The following AGBL1 variants were observed in gnomAD, a reference collection of about 807,000 sequenced individuals.
AGBL1 encodes cytosolic carboxypeptidase 4.
A neutral mutation model predicts 118.9 loss-of-function variants in AGBL1; 130 were observed. That is an observed-to-expected ratio of 1.09 (90% CI 0.95 to 1.26). The LOEUF (loss-of-function observed/expected upper bound fraction) is 1.26. AGBL1 is among the 50% of genes most tolerant of loss of function. The pLI, the probability that AGBL1 is intolerant of heterozygous loss-of-function variation, is 0.00. For synonymous variants in AGBL1, 555 were observed against 478.9 expected, an observed-to-expected ratio of 1.16 and a Z score of -2.08; for missense variants, 1,584 against 1,298.1, an observed-to-expected ratio of 1.22 and a Z score of -3.38.
In AGBL1 at chr15:86,556,236, T is replaced by A. The variant is rs752837879; in HGVS notation, c.2994+1699T>A. On this transcript the variant is annotated intron_variant, in intron 21 of 22. Coordinates refer to ENST00000614907, the MANE Select transcript of AGBL1 (RefSeq NM_001386094.1). Reference sequence around the variant, plus strand: ...TCTACTGTGCAGTGTACACAGAGGCTGTTGGAGAGGACAAAGAATGAAAGG... The same window carrying A: ...TCTACTGTGCAGTGTACACAGAGGCAGTTGGAGAGGACAAAGAATGAAAGG... 3.7e-6 allele frequency: 6 copies of A among 1,613,168 alleles called. No homozygotes were observed. The South Asian group carries it at 5.5e-5, about 15-fold the overall frequency.
At chr15:86,355,385 C>T (rs1169329376) in intron 17 of AGBL1, among the ~76,000 whole-genome samples, 4 of 152,162 alleles carry the variant, frequency 2.6e-5, no homozygotes, top group Non-Finnish European at 5.9e-5. Context: ...GCTTCTGGCA[C>T]ACACCACCAA....
chr15:86,714,384 A>C (rs1170714654), intron 22 of AGBL1, among the ~76,000 whole-genome samples: 1 of 152,204 alleles, frequency 6.6e-6, no homozygotes, highest in African/African-American at 2.4e-5. Context: ...AGACTCAAAC[A>C]GATCATAAGA....
At chr15:86,088,755 C>T (rs1239687405) in intron 1 of AGBL1, among the ~76,000 whole-genome samples, 1 of 152,122 alleles carries the variant, frequency 6.6e-6, no homozygotes, top group Non-Finnish European at 1.5e-5. Context: ...TCTTTAAAGA[C>T]ACTCATGGTT....
chr15:86,721,329 G>A (rs2142721420), intron 22 of AGBL1, among the ~76,000 whole-genome samples: 1 of 152,318 alleles, frequency 6.6e-6, no homozygotes, highest in South Asian at 2.1e-4. Context: ...TCCCTGGGAT[G>A]CAAGACTGGT....
At chr15:86,355,325 G>C (rs12324471) in intron 17 of AGBL1, among the ~76,000 whole-genome samples, 3,671 of 152,262 alleles carry the variant, frequency 0.024, 169 homozygotes, top group African/African-American at 0.084. Flanking sequence ...TAACATATTA[G>C]AGTAAATAAA....
intron 21 of AGBL1, among the ~76,000 whole-genome samples, chr15:86,576,480 G>A (rs1245642381): frequency 1.3e-5 from 2 of 152,168 alleles, no homozygotes; most frequent in African/African-American, 4.8e-5. Flanking sequence ...ATTTGAACAT[G>A]GTTTGAACAG....
chr15:86,644,009 C>G (rs1221875524), intron 21 of AGBL1, among the ~76,000 whole-genome samples: 1 of 152,044 alleles, frequency 6.6e-6, no homozygotes, highest in Non-Finnish European at 1.5e-5. Context: ...TTTTGTGTCT[C>G]AGTAAACAAA....
At chr15:86,964,687 T>C (rs1010267768) in intron 23 of AGBL1, among the ~76,000 whole-genome samples, 44 of 151,932 alleles carry the variant, frequency 2.9e-4, no homozygotes, top group African/African-American at 9.9e-4. Context: ...GTGCAGAATG[T>C]GCAGGTTTGT....
intron 18 of AGBL1, among the ~76,000 whole-genome samples, chr15:86,471,008 C>T (rs371124648): frequency 2.6e-5 from 4 of 151,988 alleles, no homozygotes; most frequent in Non-Finnish European, 4.4e-5. Context: ...ATTTTTATGC[C>T]TTTTATTTCC....
intron 21 of AGBL1, among the ~76,000 whole-genome samples, chr15:86,617,875 T>C (rs757927551): frequency 6.6e-6 from 1 of 152,134 alleles, no homozygotes; most frequent in Non-Finnish European, 1.5e-5. Context: ...AAAGTGTTGA[T>C]TTGCCATTTC....
intron 5 of AGBL1, among the ~76,000 whole-genome samples, chr15:86,196,746 A>G (rs2077809476): frequency 2.0e-5 from 3 of 152,270 alleles, no homozygotes. Flanking sequence ...CTTTAGGAGT[A>G]AAGTTAAGTG....
intron 23 of AGBL1, among the ~76,000 whole-genome samples, chr15:86,950,959 G>C (rs1202289795): frequency 6.6e-6 from 1 of 152,126 alleles, no homozygotes; most frequent in Non-Finnish European, 1.5e-5. Flanking sequence ...GATAAACGAA[G>C]TGTGTCTATG....
intron 14 of AGBL1, among the ~76,000 whole-genome samples, chr15:86,270,374 T>C (rs1163484765): frequency 6.6e-6 from 1 of 152,154 alleles, no homozygotes; most frequent in East Asian, 1.9e-4. Flanking sequence ...CTAAGTCCCA[T>C]AGGAGCAAAT....
chr15:86,820,928 C>A (rs1161732527), intron 22 of AGBL1, among the ~76,000 whole-genome samples: 3 of 152,088 alleles, frequency 2.0e-5, no homozygotes, highest in Non-Finnish European at 2.9e-5. Context: ...TTGGAACCAA[C>A]CAAAATGCCC....
intron 17 of AGBL1, among the ~76,000 whole-genome samples, chr15:86,322,770 C>T (rs1194629408): frequency 6.6e-6 from 1 of 152,160 alleles, no homozygotes; most frequent in Non-Finnish European, 1.5e-5. Context: ...TATCAAACTA[C>T]ATTAGTAGTG....
intron 23 of AGBL1, among the ~76,000 whole-genome samples, chr15:86,973,883 GAATATATACATATATATATTA>G (rs2081136384): frequency 7.1e-6 from 1 of 140,508 alleles, no homozygotes; most frequent in African/African-American, 2.6e-5. Flanking sequence ...AATGTGCCAT[GAATATATACATATATATATTA>G]AATATAAACA....
chr15:86,815,792 A>G (rs2078850044), intron 22 of AGBL1, among the ~76,000 whole-genome samples: 1 of 152,108 alleles, frequency 6.6e-6, no homozygotes, highest in Non-Finnish European at 1.5e-5. Flanking sequence ...CTCCCAGAAT[A>G]TGGAGACTAT....
intron 6 of AGBL1, among the ~76,000 whole-genome samples, chr15:86,225,914 G>C (rs978448396): frequency 2.0e-5 from 3 of 152,214 alleles, no homozygotes; most frequent in East Asian, 1.9e-4. Context: ...CCCTTTATAG[G>C]CTTAGAAAAA....
chr15:86,644,376 G>GA lies in AGBL1; in HGVS notation c.2995-29890dup, dbSNP rs574588479. Among the ~76,000 whole-genome samples, 269 of 151,992 alleles carry GA rather than the reference G, an allele frequency of 1.8e-3. 4 individuals carry two copies. The East Asian group carries it at 0.02, about 11-fold the overall frequency. On this transcript the variant is annotated intron_variant, in intron 21 of 22. Transcript: ENST00000614907. ...GCAAGAGCCCGTCTCTACAAAATAA[G>GA]AAAAAAATTGATTTCATGTGTAATA...
Sources: gnomAD v4.1 joint callset for allele counts (sites outside exome capture counted in the v4.1 genomes callset) on GRCh38, gnomAD v4.1.1 for gene constraint, MANE v1.5 for transcripts, NCBI Gene and HGNC (gene_info 2026-07-23, HGNC 2026-07-21) for gene names.